Variants in VTI1A observed in about 807,000 individuals in gnomAD.
VTI1A encodes vesicle transport through interaction with t-SNAREs homolog 1A.
VTI1A carries 22 observed loss-of-function variants against 34.9 expected under a neutral mutation model. That is an observed-to-expected ratio of 0.63 (90% CI 0.45 to 0.90). The LOEUF (loss-of-function observed/expected upper bound fraction) is 0.90, where lower values mean the gene tolerates loss of function less well. Ranked by LOEUF, VTI1A falls within the 40% of genes least tolerant of loss-of-function variation. VTI1A has a pLI of 0.00. For synonymous variants in VTI1A, 87 were observed against 97.3 expected, an observed-to-expected ratio of 0.89 and a Z score of 0.62; for missense variants, 268 against 275.6, an observed-to-expected ratio of 0.97 and a Z score of 0.20.
chr10:112,461,889 G>A (rs1247479678), intron 2 of VTI1A, among the ~76,000 whole-genome samples: 1 of 152,160 alleles, frequency 6.6e-6, no homozygotes, highest in Non-Finnish European at 1.5e-5. Context: ...TACTTTGTTT[G>A]TTTGTTTGTA....
At chr10:112,854,295 T>C in the VTI1A span, among the ~76,000 whole-genome samples, 1 of 152,204 alleles carries the variant, frequency 6.6e-6, no homozygotes, top group African/African-American at 2.4e-5. Flanking sequence ...CTAAGTCCAT[T>C]AGCCCAAGTT....
At chr10:112,777,612 G>A (rs1170158222) in intron 7 of VTI1A, among the ~76,000 whole-genome samples, 1 of 152,196 alleles carries the variant, frequency 6.6e-6, no homozygotes, top group African/African-American at 2.4e-5. Context: ...GTAGTTTTTG[G>A]TGATTATCTC....
intron 7 of VTI1A, among the ~76,000 whole-genome samples, chr10:112,700,048 G>A (rs2133897790): frequency 6.7e-6 from 1 of 149,030 alleles, no homozygotes; most frequent in South Asian, 2.1e-4. Flanking sequence ...AACCCAGGAG[G>A]CAGAGGTTGC....
At chr10:112,744,853 G>A (rs1363966413) in intron 7 of VTI1A, among the ~76,000 whole-genome samples, 5 of 152,232 alleles carry the variant, frequency 3.3e-5, no homozygotes, top group African/African-American at 9.6e-5. Context: ...TCAGCATCTT[G>A]TCTCATTTCA....
chr10:112,778,353 T>C (rs181063908), intron 7 of VTI1A, among the ~76,000 whole-genome samples: 1 of 152,164 alleles, frequency 6.6e-6, no homozygotes, highest in Non-Finnish European at 1.5e-5. Context: ...GCCAAGACCA[T>C]TCACCATTGT....
At chr10:112,835,622 T>C in the VTI1A span, among the ~76,000 whole-genome samples, 1 of 152,242 alleles carries the variant, frequency 6.6e-6, no homozygotes, top group Non-Finnish European at 1.5e-5. Flanking sequence ...TTACCTTTCA[T>C]GTGTTTTTTT....
chr10:112,509,532 G>T (rs766189254), intron 3 of VTI1A, among the ~76,000 whole-genome samples: 48 of 152,318 alleles, frequency 3.2e-4, no homozygotes, highest in Non-Finnish European at 5.1e-4. Context: ...ATGCCCTGTG[G>T]TTCATGTGAG....
chr10:112,654,256 C>CTTA (rs1847143676), intron 5 of VTI1A, among the ~76,000 whole-genome samples: 1 of 152,138 alleles, frequency 6.6e-6, no homozygotes, highest in Non-Finnish European at 1.5e-5. Context: ...CAGTTGCCAT[C>CTTA]TAATAAGCAA....
intron 7 of VTI1A, among the ~76,000 whole-genome samples, chr10:112,772,036 G>A (rs550638411): frequency 3.3e-5 from 5 of 152,164 alleles, no homozygotes; most frequent in Non-Finnish European, 7.4e-5. Flanking sequence ...AAGTTTTTGT[G>A]TGGACATATG....
At chr10:112,793,092 G>A (rs576614255) in intron 7 of VTI1A, among the ~76,000 whole-genome samples, 7 of 152,320 alleles carry the variant, frequency 4.6e-5, no homozygotes, top group South Asian at 2.1e-4. Context: ...GCCTTTTGCC[G>A]TGGCTGTGTT....
intron 7 of VTI1A, among the ~76,000 whole-genome samples, chr10:112,695,636 G>T (rs1387863529): frequency 6.6e-6 from 1 of 152,132 alleles, no homozygotes; most frequent in African/African-American, 2.4e-5. Flanking sequence ...TCTCTGGGAG[G>T]CTCATTCCAG....
the VTI1A span, among the ~76,000 whole-genome samples, chr10:112,838,459 G>C: frequency 6.6e-6 from 1 of 152,316 alleles, no homozygotes; most frequent in Middle Eastern, 3.4e-3. Context: ...ATATGGTGTA[G>C]ATTACAACTG....
At chr10:112,474,255 C>T (rs911134855) in intron 3 of VTI1A, among the ~76,000 whole-genome samples, 14 of 151,886 alleles carry the variant, frequency 9.2e-5, no homozygotes, top group Admixed American at 4.6e-4. Context: ...TTAGTAGAGA[C>T]GAGGTTTCAC....
intron 3 of VTI1A, among the ~76,000 whole-genome samples, chr10:112,484,684 T>C (rs1848558862): frequency 6.6e-6 from 1 of 152,084 alleles, no homozygotes; most frequent in Non-Finnish European, 1.5e-5. Flanking sequence ...TTTTTGTAGT[T>C]TTGAAGTATT....
chr10:112,520,647 G>A (rs11195983), intron 3 of VTI1A, among the ~76,000 whole-genome samples: 5,951 of 128,804 alleles, frequency 0.046, 328 homozygotes, highest in African/African-American at 0.13. Context: ...GTGTGTGTGT[G>A]TATATATATA....
chr10:112,471,580 A>G (rs973319893), intron 3 of VTI1A, among the ~76,000 whole-genome samples: 1 of 151,802 alleles, frequency 6.6e-6, no homozygotes, highest in African/African-American at 2.4e-5. Flanking sequence ...GTAACTAAGC[A>G]CCCGTTTTAA....
intron 5 of VTI1A, among the ~76,000 whole-genome samples, chr10:112,667,737 A>T (rs1847696440): frequency 6.6e-6 from 1 of 151,082 alleles, no homozygotes; most frequent in Non-Finnish European, 1.5e-5. Flanking sequence ...AATAAGCTAC[A>T]GTAGGTGAGC....
intron 7 of VTI1A, among the ~76,000 whole-genome samples, chr10:112,754,320 C>T (rs1007312675): frequency 2.6e-5 from 4 of 152,118 alleles, no homozygotes; most frequent in African/African-American, 7.2e-5. Flanking sequence ...CCCCCCCTTT[C>T]GATTCAGACT....
downstream of VTI1A, among the ~76,000 whole-genome samples, chr10:112,819,670 A>G (rs746866547): frequency 3.7e-4 from 57 of 152,100 alleles, no homozygotes; most frequent in Admixed American, 5.9e-4. Context: ...GTGACTTGCT[A>G]TTGGTGAATG....
Sources: gnomAD v4.1 joint callset for allele counts (sites outside exome capture counted in the v4.1 genomes callset) on GRCh38, gnomAD v4.1.1 for gene constraint, MANE v1.5 for transcripts, NCBI Gene and HGNC (gene_info 2026-07-23, HGNC 2026-07-21) for gene names.